Variants in CFAP46 observed in about 807,000 individuals in gnomAD.
CFAP46 encodes cilia- and flagella-associated protein 46.
CFAP46 carries 245 observed loss-of-function variants against 325.7 expected under a neutral mutation model. That is an observed-to-expected ratio of 0.75 (90% confidence interval 0.68 to 0.84). The LOEUF (loss-of-function observed/expected upper bound fraction) is 0.84, where lower values mean the gene tolerates loss of function less well. Ranked by LOEUF, CFAP46 falls within the 40% of genes least tolerant of loss-of-function variation. CFAP46 has a pLI of 0.00. For missense variants in CFAP46, 3,346 were observed against 3,543.0 expected, an observed-to-expected ratio of 0.94 and a Z score of 1.41; for synonymous variants, 1,523 against 1,495.9, an observed-to-expected ratio of 1.02 and a Z score of -0.42.
intron 29 of CFAP46, 101 bp downstream of exon 29, chr10:132,879,325 G>A (rs1849003328): frequency 2.5e-6 from 3 of 1,178,906 alleles, no homozygotes; most frequent in Non-Finnish European, 3.4e-6. Flanking sequence ...GAAATGCTGG[G>A]AAAGACTCTG....
At chr10:132,823,561 CTGATGTG>C (rs1446975335) in intron 50 of CFAP46, among the ~76,000 whole-genome samples, 3 of 87,268 alleles carry the variant, frequency 3.4e-5, no homozygotes, top group Non-Finnish European at 4.2e-5. Context: ...CTGATGTGTG[CTGATGTG>C]TGCTGTGTGC....
chr10:132,867,441 T>C lies in CFAP46; in HGVS notation c.4677A>G (p.Pro1559=), dbSNP rs1186355944. ...CAGGAAGTGTCTGCTCATTCAGTGC[T>C]GGCAGGCTTTCTTCTAATAAAGGCT... is the stretch of plus-strand genomic sequence containing the variant. The part of the protein sequence containing the change: ...NKEPLLEESL[P]ALNEQTLPVQ... Residue 1559 remains proline, a synonymous_variant, in exon 34 of 58, where the codon CCA becomes CCG. Coordinates refer to ENST00000368586, the MANE Select transcript of CFAP46 (RefSeq NM_001200049.3). 1 of 1,550,610 alleles carries C rather than the reference T, an allele frequency of 6.4e-7. No homozygotes were observed. The highest frequency in any genetic ancestry group is 1.7e-4 in the Middle Eastern group (1 of 5,992).
rs1847601434 is a variant in CFAP46 at position 132,812,518 on chromosome 10, T to TG, written c.7501+266dup. ...GTCTGAAAAGCTGGGCTGGGTGGAGTGGGGGCACTCGGAAATGAAGGGCGG... is the reference window on the plus strand; with the variant it reads ...GTCTGAAAAGCTGGGCTGGGTGGAGTGGGGGGCACTCGGAAATGAAGGGCGG... On this transcript the variant is annotated intron_variant, in intron 55 of 57. Coordinates refer to ENST00000368586, the MANE Select transcript of CFAP46 (RefSeq NM_001200049.3). Among the ~76,000 whole-genome samples the TG allele has an allele frequency of 2.6e-5, 4 of 151,234 alleles. No individual in the cohort carries two copies. The South Asian group carries it at 8.4e-4, about 32-fold the overall frequency.
chr10:132,912,160 TCTC>T (rs1425623611), intron 19 of CFAP46, among the ~76,000 whole-genome samples: 2 of 99,754 alleles, frequency 2.0e-5, no homozygotes, highest in Non-Finnish European at 3.9e-5. Context: ...CTCTCCTCTC[TCTC>T]TTCTCTCTCC....
chr10:132,924,838 C>A lies in CFAP46; in HGVS notation c.1114G>T (p.Val372Leu), dbSNP rs752527145. Residue 372 changes from valine to leucine, a missense_variant, in exon 11 of 58, where the codon GTG (valine) becomes TTG (leucine). Coordinates refer to ENST00000368586, the MANE Select transcript of CFAP46 (RefSeq NM_001200049.3). ...ATGACCCGGGGGTCGCCCAGGCGCA[C>A]GGCTCGCTGCAGCGCGACGTCTAGC... ...QRLDVALQRAVRLGDPRVIHV... is the reference protein window; with the variant it reads ...QRLDVALQRALRLGDPRVIHV... The A allele has an allele frequency of 2.5e-4, 363 of 1,439,054 alleles. No individual in the cohort carries two copies. Among genetic ancestry groups the A allele is most frequent in the Non-Finnish European group, 3.2e-4 (352 of 1,089,842 alleles). 89.1% of individuals were successfully genotyped at this position (1,439,054 alleles called of 1,614,324 possible).
At chr10:132,844,503 G>A (rs531358528) in intron 44 of CFAP46, among the ~76,000 whole-genome samples, 39 of 152,264 alleles carry the variant, frequency 2.6e-4, no homozygotes, top group African/African-American at 7.2e-4. Flanking sequence ...TGTGGTCTAC[G>A]ACATCCCCCA....
rs997639017 is a variant in CFAP46 at position 132,876,294 on chromosome 10, C to T, written c.4362+518G>A. ...AGCATGGCAGCGTGGCACCAAACAC[C>T]GCAGGTGGAGATGGTCCAGGTGTGC... On this transcript the variant is annotated intron_variant, in intron 31 of 57. Transcript: ENST00000368586. The surrounding 1 kb of genome is among the most constrained non-coding windows in gnomAD (Gnocchi z 4.1). Among the ~76,000 whole-genome samples the T allele has an allele frequency of 2.0e-5, 3 of 152,260 alleles. No individual in the cohort carries two copies. The highest frequency in any genetic ancestry group is 4.8e-5 in the African/African-American group (2 of 41,470).
chr10:132,840,514 C>G (rs1848331134), intron 44 of CFAP46, among the ~76,000 whole-genome samples: 1 of 152,228 alleles, frequency 6.6e-6, no homozygotes, highest in Non-Finnish European at 1.5e-5. Context: ...TTCTTGAAAT[C>G]AAAGCTTAAA....
chr10:132,892,480 G>A (rs1849267208), intron 24 of CFAP46, 63 bp from the exon 25 acceptor site: 1 of 1,427,874 alleles, frequency 7.0e-7, no homozygotes, highest in Non-Finnish European at 9.7e-7. Context: ...TTCACCATGA[G>A]ATAAGAAACT....
At position 132,885,961 on chromosome 10, in the gene CFAP46, T is replaced by C. The variant is rs1564789907; in HGVS notation, c.3305-2A>G. On this transcript the variant is annotated splice_acceptor_variant, in intron 25 of 57. Coordinates refer to ENST00000368586, the MANE Select transcript of CFAP46 (RefSeq NM_001200049.3). LOFTEE classifies it high-confidence loss of function. ...GGAGCGCCAGGTCGTCCTCAGCCCC[T>C]GGGAGGGAGAAGGAGGGGTGTCCTT... 2 of 1,549,262 alleles carry C rather than the reference T, an allele frequency of 1.3e-6. No individual in the cohort carries two copies. Among genetic ancestry groups the C allele is most frequent in the Non-Finnish European group, 1.7e-6 (2 of 1,146,132 alleles).
intron 52 of CFAP46, 31 bp from the exon 53 acceptor site, chr10:132,814,643 C>A: frequency 6.3e-7 from 1 of 1,581,390 alleles, no homozygotes; most frequent in Admixed American, 1.9e-5. Context: ...AACGGGAGCA[C>A]AGGGCGGGGT....
intron 24 of CFAP46, among the ~76,000 whole-genome samples, chr10:132,898,046 G>C (rs1391268760): frequency 1.3e-5 from 2 of 152,180 alleles, no homozygotes; most frequent in Admixed American, 1.3e-4. Flanking sequence ...GCTTCTCTTA[G>C]AAGGGCCCCG....
chr10:132,920,006 G>C, intron 14 of CFAP46, 53 bp downstream of exon 14: 1 of 1,450,872 alleles, frequency 6.9e-7, no homozygotes, highest in Non-Finnish European at 9.1e-7. Flanking sequence ...CCCTCGGGCT[G>C]AGCGACCCCC....
chr10:132,833,594 C>T (rs1848187964), intron 49 of CFAP46, 69 bp from the exon 50 acceptor site: 21 of 1,526,754 alleles, frequency 1.4e-5, no homozygotes, highest in Admixed American at 5.7e-5. Flanking sequence ...CGCAGGGCTC[C>T]GTCTTCTGAC....
At chr10:132,888,873 G>A (rs1315171464) in intron 25 of CFAP46, among the ~76,000 whole-genome samples, 2 of 125,622 alleles carry the variant, frequency 1.6e-5, no homozygotes, top group East Asian at 4.6e-4. Context: ...CTTCACCCCT[G>A]CCGCCTGCAC....
In CFAP46 at chr10:132,903,386, C is replaced by G. The variant is rs138981385; in HGVS notation, c.2925-3720G>C. On this transcript the variant is annotated intron_variant, in intron 22 of 57. Coordinates refer to ENST00000368586, the MANE Select transcript of CFAP46 (RefSeq NM_001200049.3). Reference sequence around the variant, plus strand: ...CCCACCCCACCTGCCGCGTCACATCCTGGACACCTCAGCTGCTACAGCCTC... The same window carrying G: ...CCCACCCCACCTGCCGCGTCACATCGTGGACACCTCAGCTGCTACAGCCTC... Among the ~76,000 whole-genome samples, 560 of 152,338 alleles carry G rather than the reference C, an allele frequency of 3.7e-3. 3 individuals are homozygous for G. The highest frequency in any genetic ancestry group is 0.011 in the African/African-American group (478 of 41,576).
rs139354275 is a variant in CFAP46 at position 132,818,005 on chromosome 10, A to G, written c.7118-3091T>C. Among the ~76,000 whole-genome samples, 1,212 of 152,200 alleles carry G rather than the reference A, an allele frequency of 8.0e-3. 12 individuals carry two copies. Among genetic ancestry groups the G allele is most frequent in the South Asian group, 0.03 (145 of 4,822 alleles). ...GCTTCTCTTGTGTGAGGGCTTTCTCATCACCTGGGCCCACCCAGATCCCCA... is the reference window on the plus strand; with the variant it reads ...GCTTCTCTTGTGTGAGGGCTTTCTCGTCACCTGGGCCCACCCAGATCCCCA... On this transcript the variant is annotated intron_variant, in intron 50 of 57. Transcript: ENST00000368586.
At chr10:132,834,273 C>T in intron 48 of CFAP46, 150 bp from the exon 49 acceptor site, 1 of 722,062 alleles carries the variant, frequency 1.4e-6, no homozygotes. Context: ...TGAGGTGGGG[C>T]CGGGATGAGC....
At chr10:132,926,978 C>T (rs913918312) in intron 9 of CFAP46, among the ~76,000 whole-genome samples, 1 of 152,190 alleles carries the variant, frequency 6.6e-6, no homozygotes, top group East Asian at 1.9e-4. Flanking sequence ...GGCTGCTTGG[C>T]GGCCCGGGGC....
Sources: allele counts gnomAD v4.1 joint callset (sites outside exome capture counted in the v4.1 genomes callset), GRCh38; gene constraint gnomAD v4.1.1; non-coding constraint Gnocchi (gnomAD v3.1); transcripts MANE v1.5; gene names NCBI Gene and HGNC (gene_info 2026-07-23, HGNC 2026-07-21).